DMD: variants seen among roughly 807,000 people sequenced by gnomAD.
DMD encodes dystrophin.
Under a neutral mutation model 330.1 loss-of-function variants are expected in DMD, and 63 were observed. That is an observed-to-expected ratio of 0.19 (90% CI 0.16 to 0.24). The LOEUF is 0.24. Ranked by LOEUF, DMD falls within the 10% of genes least tolerant of loss-of-function variation. The probability of loss-of-function intolerance (pLI) is 1.00; values close to 1 mark genes in which losing one functional copy is unlikely to be tolerated. For synonymous variants in DMD, 1,223 were observed against 959.8 expected (o/e 1.27, Z -5.07); for missense variants, 3,344 against 2,684.1 (o/e 1.25, Z -5.43).
chrX:32,225,210 T>C (rs2097143625), intron 43 of DMD, among the ~76,000 whole-genome samples: 2 of 112,143 alleles, frequency 1.8e-5, no homozygotes, highest in African/African-American at 6.5e-5. Context: ...ATTTCAGGCT[T>C]TGTGGGCCGT....
At chrX:32,733,632 T>G (rs929254995) in intron 7 of DMD, among the ~76,000 whole-genome samples, 11 of 111,485 alleles carry the variant, frequency 9.9e-5, no homozygotes, top group Non-Finnish European at 2.1e-4. Context: ...CTCAACTACA[T>G]GGAAACTGAA....
intron 21 of DMD, among the ~76,000 whole-genome samples, chrX:32,475,190 C>T (rs746300726): frequency 9.0e-6 from 1 of 110,873 alleles, no homozygotes; most frequent in Non-Finnish European, 1.9e-5. Flanking sequence ...TTTCTGGGTT[C>T]TCTATTCTGT....
chrX:33,230,414 T>G (rs1450360400), intron 1 of DMD, among the ~76,000 whole-genome samples: 2 of 111,044 alleles, frequency 1.8e-5, no homozygotes, highest in Non-Finnish European at 3.8e-5. Flanking sequence ...AGAAATGAAT[T>G]CTTAAGTATC....
intron 53 of DMD, among the ~76,000 whole-genome samples, chrX:31,674,634 C>T (rs997426644): frequency 9.0e-6 from 1 of 111,189 alleles, no homozygotes; most frequent in Admixed American, 9.6e-5. Context: ...ATCACAAAGC[C>T]GACAAAAAGG....
chrX:32,946,293 G>A (rs189226122), intron 2 of DMD, among the ~76,000 whole-genome samples: 19 of 110,167 alleles, frequency 1.7e-4, no homozygotes, highest in African/African-American at 5.6e-4. Context: ...ATTTTTAAAT[G>A]GCCTACTTTT....
At chrX:32,240,074 A>G (rs2097202349) in intron 43 of DMD, among the ~76,000 whole-genome samples, 1 of 111,537 alleles carries the variant, frequency 9.0e-6, no homozygotes, top group Admixed American at 9.6e-5. Flanking sequence ...AAATATCTGG[A>G]AATCCTTGAT....
At chrX:32,034,333 T>G (rs2095921373) in intron 44 of DMD, among the ~76,000 whole-genome samples, 1 of 111,981 alleles carries the variant, frequency 8.9e-6, no homozygotes, top group African/African-American at 3.2e-5. Flanking sequence ...TTTGTTACAT[T>G]GATCACATTT....
chrX:32,524,789 A>G (rs1308946742), intron 17 of DMD, among the ~76,000 whole-genome samples: 1 of 112,384 alleles, frequency 8.9e-6, no homozygotes, highest in Non-Finnish European at 1.9e-5. Flanking sequence ...CTGACTTTAT[A>G]AATTTGGAAA....
chrX:32,941,820 G>A (rs1276619023), intron 2 of DMD, among the ~76,000 whole-genome samples: 6 of 109,979 alleles, frequency 5.5e-5, no homozygotes, highest in Admixed American at 1.9e-4. Flanking sequence ...ACCCTGTCAC[G>A]AGTCCCGGGA....
At chrX:32,903,628 C>T (rs900031131) in intron 2 of DMD, among the ~76,000 whole-genome samples, 5 of 111,164 alleles carry the variant, frequency 4.5e-5, no homozygotes, top group Non-Finnish European at 7.5e-5. Context: ...AGGTTGCTAA[C>T]GGCTGTGTTA....
chrX:33,039,677 A>C (rs190680741), intron 1 of DMD, among the ~76,000 whole-genome samples: 31 of 111,365 alleles, frequency 2.8e-4, no homozygotes, highest in Middle Eastern at 4.6e-3. Context: ...TTCTCTAATA[A>C]AAATAAGTAT....
chrX:32,816,357 T>C, intron 6 of DMD, 111 bp downstream of exon 6: 1 of 835,130 alleles, frequency 1.2e-6, no homozygotes, highest in Non-Finnish European at 1.8e-6. Context: ...TCAATGTACA[T>C]AACATGTTGT....
Position 32,865,590 on chromosome X carries a change from C to T in DMD, c.94-15770G>A, listed in dbSNP as rs771615951. On this transcript the variant is annotated intron_variant, in intron 2 of 78. Transcript: ENST00000357033. ...ACTAGAGAGGTACAAGACACCCCAT[C>T]CGAGTGTACCGACTTGATTAACCAC... 6.2e-5 allele frequency among the ~76,000 whole-genome samples: 7 copies of T among 112,437 alleles called. No homozygotes were observed. The East Asian group carries it at 2.0e-3, about 32-fold the overall frequency.
chrX:32,346,345 T>G (rs1385246335), intron 38 of DMD, among the ~76,000 whole-genome samples: 3 of 111,494 alleles, frequency 2.7e-5, no homozygotes, highest in African/African-American at 6.5e-5. Context: ...TACTTCATCA[T>G]GTCAGACAAG....
intron 22 of DMD, among the ~76,000 whole-genome samples, chrX:32,471,063 G>A (rs985191532): frequency 3.6e-5 from 4 of 111,257 alleles, no homozygotes; most frequent in African/African-American, 1.3e-4. Flanking sequence ...GATCATCTGA[G>A]GTCAGGAGTT....
At position 32,050,974 on chromosome X, in the gene DMD, C is replaced by CTTTTTTT. The variant is rs761835866; in HGVS notation, c.6439-82467_6439-82461dup. Among the ~76,000 whole-genome samples, 69 of 78,155 alleles carry CTTTTTTT rather than the reference C, an allele frequency of 8.8e-4. 2 individuals carry two copies. The highest frequency in any genetic ancestry group is 3.0e-3 in the African/African-American group (53 of 17,524). The allele number at this position is 78,155 out of a possible 115,157, so 67.9% of individuals were successfully genotyped here. On this transcript the variant is annotated intron_variant, in intron 44 of 78. Transcript: ENST00000357033. ...TTACATTGCCTCAGGCTAACTTCCTCTTTTTTTTTTTTTCCCCCTAATAGA... is the reference window on the plus strand; with the variant it reads ...TTACATTGCCTCAGGCTAACTTCCTCTTTTTTTTTTTTTTTTTTTTCCCCCTAATAGA...
intron 48 of DMD, among the ~76,000 whole-genome samples, chrX:31,850,034 T>C (rs1381843556): frequency 9.0e-6 from 1 of 110,957 alleles, no homozygotes; most frequent in African/African-American, 3.3e-5. Flanking sequence ...TTTCTGGTTC[T>C]CTCCCTCCGC....
At chrX:31,250,822 G>A (rs1474255801) in intron 63 of DMD, among the ~76,000 whole-genome samples, 3 of 111,196 alleles carry the variant, frequency 2.7e-5, no homozygotes, top group Admixed American at 1.9e-4. Flanking sequence ...AGTGGTTCAC[G>A]CCTGTAATCC....
At position 31,786,219 on chromosome X, in the gene DMD, T is replaced by C. The variant is rs773071310; in HGVS notation, c.7310-12027A>G. Among the ~76,000 whole-genome samples, 3 of 112,432 alleles carry C rather than the reference T, an allele frequency of 2.7e-5. No individual in the cohort carries two copies. In the East Asian group the frequency reaches 8.4e-4, roughly 32 times the overall value. ...ATGACCAGTGATGATGAGCTTTTTT[T>C]CATGTGTCTTTTGGCCACATAAATG... On this transcript the variant is annotated intron_variant, in intron 50 of 78. Coordinates refer to ENST00000357033, the MANE Select transcript of DMD (RefSeq NM_004006.3).
Sources: allele counts gnomAD v4.1 joint callset (sites outside exome capture counted in the v4.1 genomes callset), GRCh38; gene constraint gnomAD v4.1.1; transcripts MANE v1.5; gene names NCBI Gene and HGNC (gene_info 2026-07-23, HGNC 2026-07-21).